Variants in NLGN1 observed in about 807,000 individuals in gnomAD.
NLGN1 encodes the protein neuroligin 1, also known as neuroligin-1.
In NLGN1, 12 loss-of-function variants were observed where a neutral mutation model predicts 65.5. The observed-to-expected ratio is 0.18, with a 90% confidence interval of 0.12 to 0.30. The LOEUF is 0.30. NLGN1 is among the 10% of genes least tolerant of loss of function. The pLI is 1.00. For missense variants in NLGN1, 750 were observed against 1,007.1 expected, an observed-to-expected ratio of 0.74 and a Z score of 3.46; for synonymous variants, 350 against 359.5, an observed-to-expected ratio of 0.97 and a Z score of 0.30.
At chr3:173,914,902 T>C (rs1405306720) in intron 4 of NLGN1, 1 of 152,228 alleles carries the variant, frequency 6.6e-6, no homozygotes, top group Non-Finnish European at 1.5e-5. Context: ...TGTGTGGTGG[T>C]GTTCCTTAGA....
chr3:173,456,751 A>G (rs1722575383), intron 2 of NLGN1, among the ~76,000 whole-genome samples: 1 of 152,168 alleles, frequency 6.6e-6, no homozygotes, highest in Non-Finnish European at 1.5e-5. Flanking sequence ...ACACAGGGAA[A>G]GAATGAGAGT....
In NLGN1 at chr3:173,584,399, A is replaced by ATTTTTTTTTTTTT. The variant is rs66827074; in HGVS notation, c.-320-19859_-320-19847dup. On this transcript the variant is annotated intron_variant, in intron 2 of 6. Transcript: ENST00000457714. ...TTAGGGTAAAACCAGGGTCCTCGGCATTTTTTTTTTTTTTTTTTTTTTTTT... is the reference window on the plus strand; with the variant it reads ...TTAGGGTAAAACCAGGGTCCTCGGCATTTTTTTTTTTTTTTTTTTTTTTTTTTTTTTTTTTTTT... Among the ~76,000 whole-genome samples the ATTTTTTTTTTTTT allele has an allele frequency of 1.6e-4, 5 of 30,820 alleles. 1 individual carries two copies. Among genetic ancestry groups the ATTTTTTTTTTTTT allele is most frequent in the South Asian group, 4.3e-3 (2 of 462 alleles). The allele number at this position is 30,820 out of a possible 152,430, so 20.2% of individuals were successfully genotyped here.
chr3:173,743,889 A>G (rs1040748591), intron 3 of NLGN1, among the ~76,000 whole-genome samples: 14 of 152,126 alleles, frequency 9.2e-5, no homozygotes, highest in African/African-American at 3.1e-4. Flanking sequence ...TTAATGTTTT[A>G]TACAGTAAAA....
chr3:173,486,132 C>T (rs1392317412), intron 2 of NLGN1, among the ~76,000 whole-genome samples: 1 of 152,136 alleles, frequency 6.6e-6, no homozygotes, highest in Non-Finnish European at 1.5e-5. Flanking sequence ...GCAACCTCTG[C>T]CTCCCGGGTT....
chr3:173,657,996 G>T (rs577059527), intron 3 of NLGN1, among the ~76,000 whole-genome samples: 132 of 151,794 alleles, frequency 8.7e-4, no homozygotes, highest in African/African-American at 3.1e-3. Context: ...TCCAGTAAAG[G>T]GACTTGGGAA....
intron 4 of NLGN1, among the ~76,000 whole-genome samples, chr3:174,243,073 T>C (rs952852634): frequency 6.6e-6 from 1 of 152,240 alleles, no homozygotes; most frequent in African/African-American, 2.4e-5. Flanking sequence ...AAAAATGATA[T>C]GTTGGAGTTA....
rs144617541 is a variant in NLGN1 at position 173,794,661 on chromosome 3, G to A, written c.494-13019G>A. On this transcript the variant is annotated intron_variant, in intron 3 of 6. Transcript: ENST00000457714. ...AGATTCTTCAGGCTGTAGAAATACT[G>A]TATCTGCATGTAATAAAAATCAAAC... Among the ~76,000 whole-genome samples the A allele has an allele frequency of 2.5e-3, 380 of 152,274 alleles. 1 individual carries two copies. Among genetic ancestry groups the A allele is most frequent in the African/African-American group, 8.3e-3 (344 of 41,574 alleles).
At position 173,773,734 on chromosome 3, in the gene NLGN1, T is replaced by C. The variant is rs539609380; in HGVS notation, c.494-33946T>C. On this transcript the variant is annotated intron_variant, in intron 3 of 6. Transcript: ENST00000457714. ...CAGTAGTGGGAGGAGGTGGGTAGGT[T>C]CATAAATTTAAAAATCACACATATA... Among the ~76,000 whole-genome samples the C allele has an allele frequency of 8.5e-5, 13 of 152,234 alleles. No individual in the cohort carries two copies. In the South Asian group the frequency reaches 2.5e-3, roughly 29 times the overall value.
chr3:173,607,820 G>C (rs1463895845), intron 3 of NLGN1, among the ~76,000 whole-genome samples: 4 of 151,340 alleles, frequency 2.6e-5, no homozygotes, highest in Admixed American at 2.0e-4. Flanking sequence ...TATGAATGAT[G>C]GTTCAGGAAC....
At chr3:174,199,570 G>C (rs1734068815) in intron 4 of NLGN1, among the ~76,000 whole-genome samples, 1 of 151,880 alleles carries the variant, frequency 6.6e-6, no homozygotes, top group Non-Finnish European at 1.5e-5. Context: ...CTCTCAATGG[G>C]CAGCTATCTG....
At chr3:174,205,547 C>T (rs192019969) in intron 4 of NLGN1, among the ~76,000 whole-genome samples, 1 of 152,166 alleles carries the variant, frequency 6.6e-6, no homozygotes, top group African/African-American at 2.4e-5. Flanking sequence ...AGTGATTTTG[C>T]TGTCATAGTA....
intron 2 of NLGN1, among the ~76,000 whole-genome samples, chr3:173,545,691 A>G (rs1739679894): frequency 6.6e-6 from 1 of 152,198 alleles, no homozygotes; most frequent in Non-Finnish European, 1.5e-5. Flanking sequence ...TTGGGAACCA[A>G]CACAAATGCC....
intron 4 of NLGN1, among the ~76,000 whole-genome samples, chr3:174,154,148 T>C (rs752630995): frequency 9.9e-5 from 15 of 152,096 alleles, no homozygotes; most frequent in Admixed American, 4.6e-4. Flanking sequence ...CTATCATCAT[T>C]CTTTAAGAAT....
intron 2 of NLGN1, among the ~76,000 whole-genome samples, chr3:173,528,281 G>A (rs1735992585): frequency 6.6e-6 from 1 of 152,278 alleles, no homozygotes; most frequent in South Asian, 2.1e-4. Context: ...CTAAAAATAG[G>A]TCTCAATGTC....
intron 4 of NLGN1, among the ~76,000 whole-genome samples, chr3:173,870,928 G>T (rs1471850463): frequency 6.6e-6 from 1 of 152,124 alleles, no homozygotes; most frequent in Non-Finnish European, 1.5e-5. Context: ...TGATATGAGG[G>T]TCCTTTGTTC....
At chr3:173,994,121 T>A (rs993472772) in intron 4 of NLGN1, among the ~76,000 whole-genome samples, 6 of 152,068 alleles carry the variant, frequency 3.9e-5, no homozygotes, top group Non-Finnish European at 5.9e-5. Context: ...ACTTAAAAAT[T>A]GTAAAATACA....
chr3:173,555,669 G>A (rs1249861161), intron 2 of NLGN1, among the ~76,000 whole-genome samples: 1 of 152,018 alleles, frequency 6.6e-6, no homozygotes, highest in Non-Finnish European at 1.5e-5. Flanking sequence ...TTTTTGTAGA[G>A]ATGGGATTTT....
chr3:174,002,970 GAGAAGTAT>G (rs984784084), intron 4 of NLGN1, among the ~76,000 whole-genome samples: 51 of 152,176 alleles, frequency 3.4e-4, no homozygotes, highest in African/African-American at 1.2e-3. Flanking sequence ...AGAGAAATTA[GAGAAGTAT>G]ATAGATGACT....
At chr3:174,000,486 A>G (rs370624161) in intron 4 of NLGN1, among the ~76,000 whole-genome samples, 184 of 152,282 alleles carry the variant, frequency 1.2e-3, no homozygotes, top group African/African-American at 4.1e-3. Flanking sequence ...AGCGAATCCT[A>G]CCTTCTTTTG....
Sources: allele counts gnomAD v4.1 joint callset (sites outside exome capture counted in the v4.1 genomes callset), GRCh38; gene constraint gnomAD v4.1.1; transcripts MANE v1.5; gene names NCBI Gene and HGNC (gene_info 2026-07-23, HGNC 2026-07-21).